Variants in PIAS1 observed in about 807,000 individuals in gnomAD.
PIAS1 encodes the protein E3 SUMO-protein ligase PIAS1.
PIAS1 carries 6 observed loss-of-function variants against 71.3 expected under a neutral mutation model. The observed-to-expected ratio is 0.08, with a 90% CI of 0.05 to 0.17. The LOEUF (loss-of-function observed/expected upper bound fraction) is 0.17, where lower values mean the gene tolerates loss of function less well. Ranked by LOEUF, PIAS1 falls within the 10% of genes least tolerant of loss-of-function variation. The pLI is 1.00. For synonymous variants in PIAS1, 303 were observed against 292.9 expected (o/e 1.03, Z -0.35); for missense variants, 555 against 793.6 (o/e 0.70, Z 3.61).
intron 2 of PIAS1, among the ~76,000 whole-genome samples, chr15:68,098,174 T>C (rs1486896551): frequency 6.6e-6 from 1 of 152,152 alleles, no homozygotes; most frequent in Non-Finnish European, 1.5e-5. Flanking sequence ...TTTTGACTCC[T>C]CCAAAACTTT....
rs2092819809 is a variant in PIAS1, at chr15:68,147,973, G to A, written c.828+1273G>A. ...CCAGTTCATTTGAAATTTATTGAAT[G>A]CTTACCATGTGTCATCTACTATACT... On this transcript the variant is annotated intron_variant, in intron 6 of 13. Coordinates refer to ENST00000249636, the MANE Select transcript of PIAS1 (RefSeq NM_016166.3). 2.6e-5 allele frequency among the ~76,000 whole-genome samples: 4 copies of A among 152,216 alleles called. No homozygotes were observed. In the South Asian group the frequency reaches 8.3e-4, roughly 32 times the overall value.
Position 68,061,119 on chromosome 15 carries a change from A to C in PIAS1, c.24+6769A>C, listed in dbSNP as rs118048595. Reference sequence around the variant, plus strand: ...TTGTGCAACATCTGAAAAGTAGTGCATGTAGAAGGAACTTGAAATTGATCG... The same window carrying C: ...TTGTGCAACATCTGAAAAGTAGTGCCTGTAGAAGGAACTTGAAATTGATCG... On this transcript the variant is annotated intron_variant, in intron 1 of 13. Coordinates refer to ENST00000249636, the MANE Select transcript of PIAS1 (RefSeq NM_016166.3). Among the ~76,000 whole-genome samples, 610 of 152,372 alleles carry C rather than the reference A, an allele frequency of 4.0e-3. 3 individuals are homozygous for C. The highest frequency in any genetic ancestry group is 6.4e-3 in the Non-Finnish European group (436 of 68,030).
In PIAS1 at chr15:68,188,701, TTAGTC is replaced by T. The variant is rs965410861; in HGVS notation, c.*871_*875del. On this transcript the variant is annotated 3_prime_UTR_variant, in exon 14 of 14. Transcript: ENST00000249636. ...TTAGCCGACCTATGAATAATACACTTTAGTCTAGTTCTTTATTCTAAATCTGGATT... is the reference window on the plus strand; with the variant it reads ...TTAGCCGACCTATGAATAATACACTTTAGTTCTTTATTCTAAATCTGGATT... 7.2e-5 allele frequency: 11 copies of T among 152,204 alleles called. No individual in the cohort carries two copies. Among genetic ancestry groups the T allele is most frequent in the Admixed American group, 3.3e-4 (5 of 15,282 alleles). 9.4% of individuals were successfully genotyped at this position (152,204 alleles called of 1,614,324 possible).
At chr15:68,063,668 A>G (rs574443630) in intron 1 of PIAS1, among the ~76,000 whole-genome samples, 13 of 152,330 alleles carry the variant, frequency 8.5e-5, no homozygotes, top group African/African-American at 3.1e-4. Flanking sequence ...TAAAAATTAT[A>G]CAAGTAATGC....
At chr15:68,160,263 G>C (rs2092916267) in intron 7 of PIAS1, among the ~76,000 whole-genome samples, 2 of 152,092 alleles carry the variant, frequency 1.3e-5, no homozygotes, top group African/African-American at 4.8e-5. Context: ...CTAGGTCTGT[G>C]ATTCATTTTG....
intron 4 of PIAS1, among the ~76,000 whole-genome samples, chr15:68,143,644 GTTAA>G (rs1286773960): frequency 6.6e-6 from 1 of 152,094 alleles, no homozygotes; most frequent in Non-Finnish European, 1.5e-5. Context: ...TGTCTCCATA[GTTAA>G]TTATGTATTG....
chr15:68,165,370 C>G (rs937969866), intron 8 of PIAS1, among the ~76,000 whole-genome samples: 9 of 152,256 alleles, frequency 5.9e-5, no homozygotes, highest in African/African-American at 1.7e-4. Context: ...ATCCACCCGC[C>G]TTGGACTCCC....
intron 1 of PIAS1, among the ~76,000 whole-genome samples, chr15:68,074,269 G>T (rs902074031): frequency 3.3e-5 from 5 of 152,122 alleles, no homozygotes; most frequent in African/African-American, 9.7e-5. Flanking sequence ...AGGATTCAGT[G>T]ATATTGTTCT....
chr15:68,123,734 C>T (rs149367377), intron 2 of PIAS1, among the ~76,000 whole-genome samples: 99 of 152,132 alleles, frequency 6.5e-4, no homozygotes, highest in African/African-American at 2.2e-3. Flanking sequence ...GGAGTAGTAC[C>T]TAATTAAGTA....
In PIAS1 at chr15:68,110,680, T is replaced by C. The variant is rs188942121; in HGVS notation, c.469+23930T>C. Among the ~76,000 whole-genome samples, 429 of 152,106 alleles carry C rather than the reference T, an allele frequency of 2.8e-3. 3 individuals are homozygous for C. Among genetic ancestry groups the C allele is most frequent in the Middle Eastern group, 6.8e-3 (2 of 294 alleles). On this transcript the variant is annotated intron_variant, in intron 2 of 13. Transcript: ENST00000249636. ...AAGAGGCTGAGGTGCAAGGATCACT[T>C]GAGCCTGGGGAGATCAAGGCTGCAC...
In PIAS1 at chr15:68,187,230, C is replaced by T. The variant is rs1387189747; in HGVS notation, c.1663-312C>T. Among the ~76,000 whole-genome samples, 2 of 152,088 alleles carry T rather than the reference C, an allele frequency of 1.3e-5. No homozygotes were observed. Among genetic ancestry groups the T allele is most frequent in the African/African-American group, 4.8e-5 (2 of 41,400 alleles). On this transcript the variant is annotated intron_variant, in intron 13 of 13. Transcript: ENST00000249636. The surrounding 1 kb of genome is among the most constrained non-coding windows in gnomAD (Gnocchi z 5.3). ...CTAGCAAGAGCATGGACTGTCTGCCCCTCCTGCTGCTTCTGAGCATATGCT... is the reference window on the plus strand; with the variant it reads ...CTAGCAAGAGCATGGACTGTCTGCCTCTCCTGCTGCTTCTGAGCATATGCT...
At chr15:68,111,085 A>G (rs1294145666) in intron 2 of PIAS1, among the ~76,000 whole-genome samples, 1 of 152,180 alleles carries the variant, frequency 6.6e-6, no homozygotes, top group Admixed American at 6.5e-5. Context: ...CCCATACTCC[A>G]TACTCCAAAT....
chr15:68,130,443 A>G (rs2092682107), intron 2 of PIAS1, among the ~76,000 whole-genome samples: 1 of 152,000 alleles, frequency 6.6e-6, no homozygotes, highest in South Asian at 2.1e-4. Context: ...TTCTACATGT[A>G]TATGCAGTGA....
intron 12 of PIAS1, among the ~76,000 whole-genome samples, chr15:68,182,490 C>CGTGTGTGTGTGTGT (rs67774530): frequency 0.16 from 19,771 of 123,232 alleles, 3,625 homozygotes; most frequent in African/African-American, 0.18. Context: ...GCTCAGGCTG[C>CGTGTGTGTGTGTGT]GTGTGTGTGT....
At chr15:68,057,334 G>A (rs947123636) in intron 1 of PIAS1, 1 of 274,214 alleles carries the variant, frequency 3.6e-6, no homozygotes, top group Non-Finnish European at 7.1e-6. Context: ...TAGGAACTTA[G>A]AAGCAGGAGG....
chr15:68,126,034 C>A (rs1318831057), intron 2 of PIAS1, among the ~76,000 whole-genome samples: 1 of 151,842 alleles, frequency 6.6e-6, no homozygotes, highest in African/African-American at 2.4e-5. Flanking sequence ...CTGTTCTTGC[C>A]CCACCTCTCC....
intron 2 of PIAS1, among the ~76,000 whole-genome samples, chr15:68,097,417 G>GTAAT (rs747383423): frequency 5.3e-5 from 8 of 152,068 alleles, no homozygotes; most frequent in African/African-American, 9.6e-5. Context: ...AAAGCATGTT[G>GTAAT]TAATTAATTA....
chr15:68,109,869 T>G (rs1270643087), intron 2 of PIAS1, among the ~76,000 whole-genome samples: 1 of 152,224 alleles, frequency 6.6e-6, no homozygotes, highest in Admixed American at 6.5e-5. Context: ...TACTCACTTT[T>G]GTATACCATT....
intron 2 of PIAS1, among the ~76,000 whole-genome samples, chr15:68,096,307 C>T (rs1469433898): frequency 6.6e-6 from 1 of 152,096 alleles, no homozygotes; most frequent in African/African-American, 2.4e-5. Flanking sequence ...TATGTCAAGA[C>T]CACACTGTTT....
Sources: allele counts gnomAD v4.1 joint callset (sites outside exome capture counted in the v4.1 genomes callset), GRCh38; gene constraint gnomAD v4.1.1; non-coding constraint Gnocchi (gnomAD v3.1); transcripts MANE v1.5; gene names NCBI Gene and HGNC (gene_info 2026-07-23, HGNC 2026-07-21).